Variants in KCNK17 observed in about 807,000 individuals in gnomAD.
The protein encoded by KCNK17 is potassium two pore domain channel subfamily K member 17.
In KCNK17, 27 loss-of-function variants were observed where a neutral mutation model predicts 24.6. The ratio of observed to expected loss-of-function variants is 1.10; its 90% CI spans 0.81 to 1.51. The LOEUF (loss-of-function observed/expected upper bound fraction) is 1.51. Among genes scored for constraint, KCNK17 ranks in the 40% most tolerant of loss-of-function variants. KCNK17 has a pLI of 0.00. For missense variants in KCNK17, 450 were observed against 436.6 expected (o/e 1.03, Z -0.27); for synonymous variants, 181 against 189.8 (o/e 0.95, Z 0.38).
At chr6:39,301,788 G>A (rs998875515) in intron 4 of KCNK17, among the ~76,000 whole-genome samples, 1 of 152,366 alleles carries the variant, frequency 6.6e-6, no homozygotes, top group East Asian at 1.9e-4. Context: ...AGGCAGAGGA[G>A]TGGCTGTGAA....
intron 2 of KCNK17, among the ~76,000 whole-genome samples, chr6:39,307,416 C>A (rs6902668): frequency 2.0e-5 from 3 of 152,088 alleles, no homozygotes; most frequent in Non-Finnish European, 4.4e-5. Flanking sequence ...GCATCTAGGG[C>A]GAGGTAAACC....
At chr6:39,313,425 G>C (rs1762189812) in intron 1 of KCNK17, among the ~76,000 whole-genome samples, 1 of 152,190 alleles carries the variant, frequency 6.6e-6, no homozygotes, top group Non-Finnish European at 1.5e-5. Flanking sequence ...TCTCGAACCC[G>C]GGTCTGCGCA....
At chr6:39,303,879 C>T (rs1043400939) in intron 4 of KCNK17, 78 bp downstream of exon 4, 39 of 1,496,232 alleles carry the variant, frequency 2.6e-5, no homozygotes, top group African/African-American at 1.8e-4. Flanking sequence ...ACAGCAGGTG[C>T]GCCAGCTGCG....
chr6:39,304,133 T>C lies in KCNK17; in HGVS notation c.514-2A>G, dbSNP rs769334412. ...CAGCCACCGCGCCTTGTCAGGATCC[T>C]GTGGGTGCAACATTGTCCCCAGGCC... On this transcript the variant is annotated splice_acceptor_variant, in intron 3 of 4. Coordinates refer to ENST00000373231, the MANE Select transcript of KCNK17 (RefSeq NM_031460.4). LOFTEE classifies it high-confidence loss of function. 6.2e-7 allele frequency: 1 copy of C among 1,606,430 alleles called. No homozygotes were observed. The highest frequency in any genetic ancestry group is 8.5e-7 in the Non-Finnish European group (1 of 1,179,718).
intron 2 of KCNK17, among the ~76,000 whole-genome samples, chr6:39,307,528 C>G (rs1583769191): frequency 1.3e-5 from 2 of 152,284 alleles, no homozygotes; most frequent in East Asian, 1.9e-4. Flanking sequence ...TTTTTCTTCC[C>G]CATTCAGTTT....
chr6:39,314,261 G>A lies in KCNK17; in HGVS notation c.60C>T (p.Pro20=), dbSNP rs757059294. 13 of 1,527,776 alleles carry A rather than the reference G, an allele frequency of 8.5e-6. No individual in the cohort carries two copies. The highest frequency in any genetic ancestry group is 6.1e-6 in the Non-Finnish European group (7 of 1,142,086). The allele number at this position is 1,527,776 out of a possible 1,614,324, so 94.6% of individuals were successfully genotyped here. A position where few individuals can be genotyped will look rare whatever the true frequency, so the allele number is the denominator to read the frequency against. The change falls in exon 1 of 5, where the codon CCC becomes CCT. Residue 20 remains proline, a synonymous_variant. Transcript: ENST00000373231. ...PEGRVRGCAV[P]STVLLLLAYL... Reference sequence around the variant, plus strand: ...AGGCGAGCAGCAGGAGCACGGTGCTGGGCACCGCGCAGCCCCGGACCCTGC... The same window carrying A: ...AGGCGAGCAGCAGGAGCACGGTGCTAGGCACCGCGCAGCCCCGGACCCTGC...
chr6:39,302,332 A>T (rs1053649031), intron 4 of KCNK17, among the ~76,000 whole-genome samples: 1 of 151,088 alleles, frequency 6.6e-6, no homozygotes, highest in South Asian at 2.1e-4. Context: ...GGGTTACAGA[A>T]TTTGGACTAG....
chr6:39,314,081 G>T lies in KCNK17; in HGVS notation c.237+3C>A, dbSNP rs773603729. 1.3e-6 allele frequency: 2 copies of T among 1,576,650 alleles called. No homozygotes were observed. The highest frequency in any genetic ancestry group is 1.7e-6 in the Non-Finnish European group (2 of 1,162,490). On this transcript the variant is annotated splice_donor_region_variant and intron_variant, in intron 1 of 4. Coordinates refer to ENST00000373231, the MANE Select transcript of KCNK17 (RefSeq NM_031460.4). ...GCCCAGGCCGACGCCGCTCGCCCCT[G>T]ACCCGGATCAGCGAGTCCAGCGCCG...
At chr6:39,311,113 CA>C in intron 1 of KCNK17, 106 bp from the exon 2 acceptor site, 2 of 542,394 alleles carry the variant, frequency 3.7e-6, no homozygotes. Flanking sequence ...CACACACACA[CA>C]CACACAAACA....
chr6:39,310,874 G>C lies in KCNK17; in HGVS notation c.352+19C>G. The stretch of plus-strand genomic sequence containing the variant: ...CTCCTTCCCCCACCCCCATCCCCCT[G>C]GCCCCATCTGGCCCTTACCAATGGT... On this transcript the variant is annotated intron_variant, in intron 2 of 4. Transcript: ENST00000373231. The C allele has an allele frequency of 6.9e-7, 1 of 1,440,610 alleles. No homozygotes were observed. Among genetic ancestry groups the C allele is most frequent in the South Asian group, 1.2e-5 (1 of 83,334 alleles). The allele number at this position is 1,440,610 out of a possible 1,614,324, so 89.2% of individuals were successfully genotyped here.
At chr6:39,304,198 TG>T in intron 3 of KCNK17, 67 bp from the exon 4 acceptor site, 1 of 1,492,514 alleles carries the variant, frequency 6.7e-7, no homozygotes, top group Non-Finnish European at 9.1e-7. Flanking sequence ...CCGAGGGAGC[TG>T]GAGGCAGGCC....
intron 2 of KCNK17, among the ~76,000 whole-genome samples, chr6:39,309,215 T>A (rs1762088881): frequency 6.6e-6 from 1 of 152,172 alleles, no homozygotes; most frequent in South Asian, 2.1e-4. Flanking sequence ...TCCCAGCTAC[T>A]TGGGAGGCTG....
chr6:39,299,786 C>T, intron 4 of KCNK17, 49 bp from the exon 5 acceptor site: 2 of 1,560,548 alleles, frequency 1.3e-6, no homozygotes, highest in Non-Finnish European at 1.7e-6. Context: ...AAGTCAGGAC[C>T]ACATTCCCCA....
chr6:39,310,794 G>A (rs1762118762), intron 2 of KCNK17, 99 bp downstream of exon 2: 7 of 743,466 alleles, frequency 9.4e-6, no homozygotes, highest in Middle Eastern at 4.0e-4. Context: ...GGAGTCATGA[G>A]ACTCCAGGTA....
intron 4 of KCNK17, chr6:39,300,473 G>C: frequency 1.3e-6 from 2 of 1,550,352 alleles, no homozygotes. Context: ...GTCCGCTCTA[G>C]TGTTTGCCAG....
intron 2 of KCNK17, among the ~76,000 whole-genome samples, chr6:39,309,708 A>T (rs780649841): frequency 5.9e-5 from 9 of 152,160 alleles, no homozygotes; most frequent in Non-Finnish European, 1.2e-4. Context: ...GTGTTTTAAG[A>T]TCTCCTGCTA....
chr6:39,299,817 G>A, intron 4 of KCNK17, 80 bp from the exon 5 acceptor site: 1 of 1,436,552 alleles, frequency 7.0e-7, no homozygotes. Context: ...GAGATACATG[G>A]TTTGATTCAT....
rs546937846 is a variant in KCNK17 at position 39,308,401 on chromosome 6, G to A, written c.352+2492C>T. Among the ~76,000 whole-genome samples, 70 of 152,282 alleles carry A rather than the reference G, an allele frequency of 4.6e-4. 2 individuals carry two copies. In the South Asian group the frequency reaches 8.5e-3, roughly 18 times the overall value. On this transcript the variant is annotated intron_variant, in intron 2 of 4. Coordinates refer to ENST00000373231, the MANE Select transcript of KCNK17 (RefSeq NM_031460.4). ...CGCCTCCCAGGCTCAAGCGATTCTCGTGCTTCTGCCTCCCAAATAGCTGGG... is the reference window on the plus strand; with the variant it reads ...CGCCTCCCAGGCTCAAGCGATTCTCATGCTTCTGCCTCCCAAATAGCTGGG...
At chr6:39,304,682 A>G in intron 2 of KCNK17, 27 bp from the exon 3 acceptor site, 1 of 1,600,894 alleles carries the variant, frequency 6.2e-7, no homozygotes, top group Non-Finnish European at 8.6e-7. Flanking sequence ...CACTCAGGGG[A>G]CATTTCCAGC....
Sources: gnomAD v4.1 joint callset for allele counts (sites outside exome capture counted in the v4.1 genomes callset) on GRCh38, gnomAD v4.1.1 for gene constraint, MANE v1.5 for transcripts, NCBI Gene and HGNC (gene_info 2026-07-23, HGNC 2026-07-21) for gene names.